Variants in IL7R observed in about 807,000 individuals in gnomAD.
The protein encoded by IL7R is interleukin 7 receptor.
A neutral mutation model predicts 47.0 loss-of-function variants in IL7R; 38 were observed. The observed-to-expected ratio is 0.81, with a 90% confidence interval of 0.62 to 1.06. The LOEUF (loss-of-function observed/expected upper bound fraction) is 1.06. Among genes scored for constraint, IL7R ranks in the 50% least tolerant of loss-of-function variants. The probability of loss-of-function intolerance (pLI) is 0.00; values close to 1 mark genes in which losing one functional copy is unlikely to be tolerated. For missense variants in IL7R, 633 were observed against 534.8 expected (o/e 1.18, Z -1.81); for synonymous variants, 221 against 199.8 (o/e 1.11, Z -0.89).
At chr5:35,858,251 A>G (rs1759709964) in intron 1 of IL7R, among the ~76,000 whole-genome samples, 1 of 152,172 alleles carries the variant, frequency 6.6e-6, no homozygotes, top group African/African-American at 2.4e-5. Context: ...TTTTTAGAAG[A>G]TGTATAATTA....
chr5:35,872,762 A>G (rs941551148), intron 4 of IL7R, among the ~76,000 whole-genome samples: 2 of 152,196 alleles, frequency 1.3e-5, no homozygotes, highest in Admixed American at 1.3e-4. Flanking sequence ...ATCAAAAATC[A>G]AAAATGCAAA....
rs764528268 is a variant in IL7R at position 35,874,541 on chromosome 5, A to C, written c.799A>C (p.Arg267=). Residue 267 remains arginine, a splice_region_variant and synonymous_variant, in exon 6 of 8, where the codon AGG becomes CGG. Coordinates refer to ENST00000303115, the MANE Select transcript of IL7R (RefSeq NM_002185.5). ...VILACVLWKK[R]IKPIVWPSLP... ...CTTGGCCTGTGTGTTATGGAAAAAA[A>C]GGTGACCTTCTTCAACTAATAAAGA... 10 of 1,604,892 alleles carry C rather than the reference A, an allele frequency of 6.2e-6. No individual in the cohort carries two copies. In the South Asian group the frequency reaches 1.1e-4, roughly 18 times the overall value.
chr5:35,872,199 A>C (rs1760088517), intron 4 of IL7R, among the ~76,000 whole-genome samples: 1 of 152,174 alleles, frequency 6.6e-6, no homozygotes, highest in South Asian at 2.1e-4. Flanking sequence ...TAAATTCAAT[A>C]AATACATGAA....
chr5:35,870,805 G>T (rs1760053199), intron 3 of IL7R, among the ~76,000 whole-genome samples: 1 of 152,216 alleles, frequency 6.6e-6, no homozygotes, highest in Non-Finnish European at 1.5e-5. Flanking sequence ...ATGGGTGTGT[G>T]TCTGGCCCAG....
intron 7 of IL7R, 122 bp downstream of exon 7, chr5:35,875,709 G>A (rs1580864153): frequency 7.0e-6 from 6 of 855,200 alleles, no homozygotes; most frequent in South Asian, 4.2e-5. Context: ...CTGTAACTAG[G>A]GTCCCTCCTA....
At position 35,867,316 on chromosome 5, in the gene IL7R, G is replaced by T. The variant is rs200687605; in HGVS notation, c.232G>T (p.Val78Leu). Residue 78 changes from valine (V) to leucine (L), a missense_variant, in exon 3 of 8, where the codon GTG (valine) becomes TTG (leucine). Val to Leu is a conservative substitution (Grantham distance 32). Transcript: ENST00000303115. ...NLEFEICGALVEVKCLNFRKL... is the reference protein window; with the variant it reads ...NLEFEICGALLEVKCLNFRKL... ...TTTTTATTCCTACAGTGGGGCCCTC[G>T]TGGAGGTAAAGTGCCTGAATTTCAG... is the stretch of plus-strand genomic sequence containing the variant. 1.2e-6 allele frequency: 2 copies of T among 1,613,554 alleles called. No homozygotes were observed. Among genetic ancestry groups the T allele is most frequent in the African/African-American group, 1.3e-5 (1 of 74,988 alleles).
At chr5:35,861,407 G>A (rs185570931) in intron 2 of IL7R, among the ~76,000 whole-genome samples, 14 of 152,264 alleles carry the variant, frequency 9.2e-5, no homozygotes, top group Non-Finnish European at 1.8e-4. Context: ...TTGACCTAGA[G>A]AAAGTTATGT....
Position 35,867,306 on chromosome 5 carries a change from TG to T in IL7R, c.226del (p.Ala76ProfsTer5). The T allele has an allele frequency of 6.2e-7, 1 of 1,613,316 alleles. No individual in the cohort carries two copies. The highest frequency in any genetic ancestry group is 8.5e-7 in the Non-Finnish European group (1 of 1,179,384). ...NITNLEFEIC[G>X]ALVEVKCLNF... The stretch of plus-strand genomic sequence containing the variant: ...ACATATCCCCTTTTTATTCCTACAG[TG>T]GGGCCCTCGTGGAGGTAAAGTGCCT... On this transcript the variant is annotated frameshift_variant and splice_region_variant, in exon 3 of 8. Transcript: ENST00000303115. LOFTEE classifies it high-confidence loss of function.
chr5:35,874,065 C>A lies in IL7R; in HGVS notation c.707-384C>A, dbSNP rs548930259. On this transcript the variant is annotated intron_variant, in intron 5 of 7. Coordinates refer to ENST00000303115, the MANE Select transcript of IL7R (RefSeq NM_002185.5). ...TCCTTTTCCAGAAGGATGAAGATGT[C>A]TTTGGGACTGGAACTGAGAATGTGT... Among the ~76,000 whole-genome samples the A allele has an allele frequency of 7.2e-5, 11 of 152,254 alleles. No homozygotes were observed. The South Asian group carries it at 2.1e-3, about 29-fold the overall frequency.
In IL7R at chr5:35,878,505, A is replaced by C; in HGVS notation, c.*2019A>C. 4.3e-6 allele frequency: 1 copy of C among 232,962 alleles called. No individual in the cohort carries two copies. The allele number at this position is 232,962 out of a possible 1,614,324, so 14.4% of individuals were successfully genotyped here. ...CCCTGTTGGAGACAGGGCAAATGCC[A>C]CAAAAATGATGTAAATTTACATGGA... is the stretch of plus-strand genomic sequence containing the variant. On this transcript the variant is annotated 3_prime_UTR_variant, in exon 8 of 8. Transcript: ENST00000303115.
chr5:35,868,332 A>G (rs966938411), intron 3 of IL7R, among the ~76,000 whole-genome samples: 8 of 152,248 alleles, frequency 5.3e-5, no homozygotes, highest in African/African-American at 1.9e-4. Context: ...GTAAGAGAGC[A>G]ATACTCATTA....
rs143349289 is a variant in IL7R, at chr5:35,867,670, C to T, written c.379+207C>T. ...TGAAAGAATTCTGAGGATCTTCAAACCCAGGTGTGAAAGATAGTGTTTGTG... is the reference window on the plus strand; with the variant it reads ...TGAAAGAATTCTGAGGATCTTCAAATCCAGGTGTGAAAGATAGTGTTTGTG... On this transcript the variant is annotated intron_variant, in intron 3 of 7. Transcript: ENST00000303115. 6.8e-4 allele frequency: 436 copies of T among 641,718 alleles called. 1 individual carries two copies. In the African/African-American group the frequency reaches 7.4e-3, roughly 11 times the overall value. 39.8% of individuals were successfully genotyped at this position (641,718 alleles called of 1,614,324 possible).
rs1360158894 is a variant in IL7R at position 35,875,869 on chromosome 5, G to A, written c.877-114G>A. 3.4e-6 allele frequency: 4 copies of A among 1,172,752 alleles called. No individual in the cohort carries two copies. The Admixed American group carries it at 5.3e-5, about 16-fold the overall frequency. The allele number at this position is 1,172,752 out of a possible 1,614,324, so 72.6% of individuals were successfully genotyped here. On this transcript the variant is annotated intron_variant, in intron 7 of 7. Coordinates refer to ENST00000303115, the MANE Select transcript of IL7R (RefSeq NM_002185.5). Reference sequence around the variant, plus strand: ...AAAGAGTCCATTGAGGAACATGCTGGCAATTCTGTGACATTCCCTGTCAGA... The same window carrying A: ...AAAGAGTCCATTGAGGAACATGCTGACAATTCTGTGACATTCCCTGTCAGA...
intron 4 of IL7R, among the ~76,000 whole-genome samples, chr5:35,872,512 T>TA (rs11567775): frequency 0.14 from 21,706 of 151,944 alleles, 1,982 homozygotes; most frequent in East Asian, 0.26. Flanking sequence ...TTGTTTTAAT[T>TA]AAAAAAAATT....
rs201394819 is a variant in IL7R at position 35,876,633 on chromosome 5, T to C, written c.*147T>C. On this transcript the variant is annotated 3_prime_UTR_variant, in exon 8 of 8. Coordinates refer to ENST00000303115, the MANE Select transcript of IL7R (RefSeq NM_002185.5). ...GTCTGCAAGATTCTGAAACATTGCTTTGACCACTCTTCCTGAGTTCAGTGG... is the reference window on the plus strand; with the variant it reads ...GTCTGCAAGATTCTGAAACATTGCTCTGACCACTCTTCCTGAGTTCAGTGG... 17 of 824,512 alleles carry C rather than the reference T, an allele frequency of 2.1e-5. No homozygotes were observed. The African/African-American group carries it at 2.5e-4, about 12-fold the overall frequency. 51.1% of individuals were successfully genotyped at this position (824,512 alleles called of 1,614,324 possible).
At chr5:35,872,348 G>A (rs545740910) in intron 4 of IL7R, among the ~76,000 whole-genome samples, 3 of 152,092 alleles carry the variant, frequency 2.0e-5, no homozygotes, top group Non-Finnish European at 2.9e-5. Context: ...ACAGGCACCC[G>A]CCATCATGCC....
intron 1 of IL7R, among the ~76,000 whole-genome samples, chr5:35,859,255 G>A (rs1475890252): frequency 6.6e-6 from 1 of 152,128 alleles, no homozygotes; most frequent in Non-Finnish European, 1.5e-5. Flanking sequence ...TTGAAGAATC[G>A]TGAAGACAAA....
At chr5:35,875,293 G>T in intron 6 of IL7R, 1 of 598,306 alleles carries the variant, frequency 1.7e-6, no homozygotes, top group Non-Finnish European at 3.0e-6. Context: ...TTCACAGAAT[G>T]GATTGATATC....
At chr5:35,868,567 C>G (rs10074095) in intron 3 of IL7R, among the ~76,000 whole-genome samples, 108,625 of 152,172 alleles carry the variant, frequency 0.71, 39,810 homozygotes, top group African/African-American at 0.87. Flanking sequence ...AGAGAACTGG[C>G]TTTGACAACA....
Sources: allele counts gnomAD v4.1 joint callset (sites outside exome capture counted in the v4.1 genomes callset), GRCh38; gene constraint gnomAD v4.1.1; transcripts MANE v1.5; gene names NCBI Gene and HGNC (gene_info 2026-07-23, HGNC 2026-07-21).